DAB1: variants seen among roughly 807,000 people sequenced by gnomAD.
The protein encoded by DAB1 is disabled homolog 1.
A neutral mutation model predicts 64.6 loss-of-function variants in DAB1; 15 were observed. The ratio of observed to expected loss-of-function variants is 0.23; its 90% CI spans 0.16 to 0.36. The LOEUF is 0.36. Ranked by LOEUF, DAB1 falls within the 10% of genes least tolerant of loss-of-function variation. The pLI is 1.00. For missense variants in DAB1, 596 were observed against 706.7 expected, an observed-to-expected ratio of 0.84 and a Z score of 1.78; for synonymous variants, 235 against 251.9, an observed-to-expected ratio of 0.93 and a Z score of 0.64.
chr1:57,434,952 T>C (rs969199542), intron 7 of DAB1, among the ~76,000 whole-genome samples: 1 of 152,086 alleles, frequency 6.6e-6, no homozygotes, highest in Non-Finnish European at 1.5e-5. Flanking sequence ...CCTACGACAT[T>C]ACTGTGCACT....
downstream of DAB1, among the ~76,000 whole-genome samples, chr1:57,822,901 G>T (rs917754666): frequency 2.0e-5 from 3 of 151,892 alleles, no homozygotes; most frequent in African/African-American, 7.3e-5. Context: ...GGTAGGCTTT[G>T]AGTGTATTGA....
intron 1 of DAB1, among the ~76,000 whole-genome samples, chr1:57,292,789 C>T (rs1294975113): frequency 6.6e-6 from 1 of 152,072 alleles, no homozygotes; most frequent in Non-Finnish European, 1.5e-5. Context: ...CTCCAAGAAG[C>T]TCAGTCTAAC....
At chr1:57,567,288 C>G (rs6658953) in intron 7 of DAB1, among the ~76,000 whole-genome samples, 70,903 of 151,896 alleles carry the variant, frequency 0.47, 16,500 homozygotes, top group South Asian at 0.61. Context: ...AAAATAATAA[C>G]AGCTATCTAT....
chr1:57,045,981 A>G (rs1339724815), intron 9 of DAB1, among the ~76,000 whole-genome samples: 1 of 152,206 alleles, frequency 6.6e-6, no homozygotes, highest in Admixed American at 6.5e-5. Flanking sequence ...TATCCTTCAC[A>G]ATCAGACTCT....
chr1:58,410,230 A>G (rs1323317935), intron 3 of DAB1, among the ~76,000 whole-genome samples: 2 of 152,228 alleles, frequency 1.3e-5, no homozygotes, highest in African/African-American at 2.4e-5. Flanking sequence ...GAAATCATAT[A>G]TAAGATCTTT....
chr1:57,306,513 C>CT (rs1166241090), intron 1 of DAB1, among the ~76,000 whole-genome samples: 2,524 of 114,240 alleles, frequency 0.022, 54 homozygotes, highest in African/African-American at 0.026. Context: ...TTAGAACAGG[C>CT]TTTTTTTTTT....
intron 1 of DAB1, among the ~76,000 whole-genome samples, chr1:57,838,709 G>A (rs1652919423): frequency 6.6e-6 from 1 of 151,786 alleles, no homozygotes. Flanking sequence ...CAAAGAATGA[G>A]ACAAACTGGC....
chr1:58,173,749 C>T (rs1327388463), intron 4 of DAB1, among the ~76,000 whole-genome samples: 5 of 152,122 alleles, frequency 3.3e-5, no homozygotes, highest in African/African-American at 7.2e-5. Context: ...TTATGTGGAA[C>T]GTCAACCTGT....
At chr1:57,053,688 A>ATACATATATT (rs1447741565) in intron 9 of DAB1, among the ~76,000 whole-genome samples, 2 of 71,422 alleles carry the variant, frequency 2.8e-5, no homozygotes, top group African/African-American at 1.1e-4. Context: ...ATATATATAT[A>ATACATATATT]TTTTTTTTTT....
intron 2 of DAB1, among the ~76,000 whole-genome samples, chr1:57,150,137 C>A (rs1659521669): frequency 6.6e-6 from 1 of 152,140 alleles, no homozygotes; most frequent in African/African-American, 2.4e-5. Flanking sequence ...TTGGTAAGTT[C>A]CTTTACATGT....
chr1:57,741,898 G>A (rs1225159293), intron 6 of DAB1, among the ~76,000 whole-genome samples: 1 of 152,148 alleles, frequency 6.6e-6, no homozygotes, highest in African/African-American at 2.4e-5. Flanking sequence ...AATAAGATGA[G>A]GTAAAGGCAA....
intron 5 of DAB1, among the ~76,000 whole-genome samples, chr1:58,074,631 G>T (rs940477737): frequency 6.6e-5 from 9 of 137,126 alleles, no homozygotes; most frequent in Admixed American, 2.2e-4. Flanking sequence ...CCTCAAGTCT[G>T]TTGGCTTGTA....
At chr1:58,290,798 G>C (rs1661804939) in intron 4 of DAB1, among the ~76,000 whole-genome samples, 1 of 152,142 alleles carries the variant, frequency 6.6e-6, no homozygotes, top group East Asian at 1.9e-4. Flanking sequence ...GCCTGCTGCT[G>C]CAAGTTAGGA....
chr1:57,883,426 A>G (rs1430431169), intron 1 of DAB1, among the ~76,000 whole-genome samples: 2 of 152,190 alleles, frequency 1.3e-5, no homozygotes, highest in African/African-American at 4.8e-5. Context: ...GTATTCTTAA[A>G]TTGGGCCTGA....
chr1:58,016,005 T>TGGG (rs747636860), intron 5 of DAB1, among the ~76,000 whole-genome samples: 7 of 151,150 alleles, frequency 4.6e-5, no homozygotes, highest in Admixed American at 2.0e-4. Flanking sequence ...ACAAACAGCC[T>TGGG]AGGGGGGGGT....
intron 2 of DAB1, among the ~76,000 whole-genome samples, chr1:57,215,747 G>C (rs745794637): frequency 2.6e-5 from 4 of 152,188 alleles, no homozygotes; most frequent in African/African-American, 9.7e-5. Flanking sequence ...ACTAGACTTA[G>C]GCAGGCACTT....
chr1:57,791,397 AC>A (rs1650592102), intron 6 of DAB1, among the ~76,000 whole-genome samples: 1 of 152,132 alleles, frequency 6.6e-6, no homozygotes, highest in South Asian at 2.1e-4. Flanking sequence ...TTGAGCTCCT[AC>A]CAGTTACTAG....
intron 5 of DAB1, among the ~76,000 whole-genome samples, chr1:57,929,504 A>G (rs762080525): frequency 1.3e-5 from 2 of 152,230 alleles, no homozygotes; most frequent in Non-Finnish European, 2.9e-5. Context: ...CACAGCTAAA[A>G]TGTCATTGCC....
intron 5 of DAB1, among the ~76,000 whole-genome samples, chr1:58,116,672 C>T (rs1337515435): frequency 2.0e-5 from 3 of 152,166 alleles, no homozygotes; most frequent in Non-Finnish European, 4.4e-5. Context: ...CTAGATTTTC[C>T]ATTTCTTCCT....
Sources: gnomAD v4.1 joint callset for allele counts (sites outside exome capture counted in the v4.1 genomes callset) on GRCh38, gnomAD v4.1.1 for gene constraint, MANE v1.5 for transcripts, NCBI Gene and HGNC (gene_info 2026-07-23, HGNC 2026-07-21) for gene names.